CUX2: variants seen among roughly 807,000 people sequenced by gnomAD.
CUX2 encodes homeobox protein cut-like 2.
CUX2 carries 40 observed loss-of-function variants against 144.8 expected under a neutral mutation model. That is an observed-to-expected ratio of 0.28 (90% CI 0.21 to 0.36). The LOEUF is 0.36. Among genes scored for constraint, CUX2 ranks in the 10% least tolerant of loss-of-function variants. The pLI, the probability that CUX2 is intolerant of heterozygous loss-of-function variation, is 1.00. For synonymous variants in CUX2, 827 were observed against 875.6 expected (o/e 0.94, Z 0.98); for missense variants, 1,615 against 1,994.0 (o/e 0.81, Z 3.62).
intron 3 of CUX2, among the ~76,000 whole-genome samples, chr12:111,233,149 A>G (rs1213615719): frequency 6.6e-6 from 1 of 152,182 alleles, no homozygotes; most frequent in Non-Finnish European, 1.5e-5. Flanking sequence ...TGGGAATTGC[A>G]GGGCCTGAAA....
At position 111,320,047 on chromosome 12, in the gene CUX2, GC is replaced by G. The variant is rs1274425700; in HGVS notation, c.2040del (p.Asn681ThrfsTer65). On this transcript the variant is annotated frameshift_variant, in exon 17 of 22. Coordinates refer to ENST00000261726, the MANE Select transcript of CUX2 (RefSeq NM_015267.4). LOFTEE classifies it high-confidence loss of function. This position sits in a 1 kb window ranked among gnomAD's most constrained non-coding sequence, Gnocchi z 8.1. ...PKTSVAPLSI[A>X]NGTTPASTSE... The stretch of plus-strand genomic sequence containing the variant: ...GACCTCGGTGGCCCCGCTGAGCATC[GC>G]CAACGGCACGACCCCCGCCAGCACC... 6.5e-7 allele frequency: 1 copy of G among 1,541,288 alleles called. No individual in the cohort carries two copies.
chr12:111,249,987 G>C (rs1408457208), intron 3 of CUX2, among the ~76,000 whole-genome samples: 1 of 152,060 alleles, frequency 6.6e-6, no homozygotes, highest in African/African-American at 2.4e-5. Flanking sequence ...AAAGTTCTAG[G>C]GGCTTTGACA....
intron 18 of CUX2, among the ~76,000 whole-genome samples, chr12:111,324,639 T>C (rs1887690190): frequency 6.6e-6 from 1 of 152,018 alleles, no homozygotes; most frequent in Non-Finnish European, 1.5e-5. Flanking sequence ...TAGCTGGGGT[T>C]ACAGGCGTGC....
chr12:111,300,776 G>T (rs1365193543), intron 9 of CUX2, among the ~76,000 whole-genome samples: 1 of 152,176 alleles, frequency 6.6e-6, no homozygotes, highest in African/African-American at 2.4e-5. Context: ...AATAGCTCAT[G>T]CCTCTAATCC....
chr12:111,099,075 C>T (rs1873023690), intron 1 of CUX2, among the ~76,000 whole-genome samples: 1 of 152,220 alleles, frequency 6.6e-6, no homozygotes, highest in Non-Finnish European at 1.5e-5. Flanking sequence ...AGGAGGCCAC[C>T]TACATCATCT....
At position 111,307,802 on chromosome 12, in the gene CUX2, G is replaced by T. The variant is rs1011063547; in HGVS notation, c.1110-483G>T. 1.3e-5 allele frequency among the ~76,000 whole-genome samples: 2 copies of T among 152,178 alleles called. No individual in the cohort carries two copies. Among genetic ancestry groups the T allele is most frequent in the Non-Finnish European group, 2.9e-5 (2 of 68,030 alleles). On this transcript the variant is annotated intron_variant, in intron 12 of 21. Coordinates refer to ENST00000261726, the MANE Select transcript of CUX2 (RefSeq NM_015267.4). This position sits in a 1 kb window ranked among gnomAD's most constrained non-coding sequence, Gnocchi z 4.1. Reference sequence around the variant, plus strand: ...GTTCAAAACCAGCCTGGCCGAAAGGGCAAAACCCTGTCTCTACTAAAAATA... The same window carrying T: ...GTTCAAAACCAGCCTGGCCGAAAGGTCAAAACCCTGTCTCTACTAAAAATA...
intron 1 of CUX2, among the ~76,000 whole-genome samples, chr12:111,070,343 TCCTCCCTTCCCTCTCTCCCTCCCTC>T (rs1566199702): frequency 6.7e-6 from 1 of 149,292 alleles, no homozygotes; most frequent in East Asian, 2.0e-4. Context: ...TTCCTTCCCT[TCCTCCCTTCCCTCTCTCCCTCCCTC>T]CCTCCCTTCT....
At chr12:111,231,703 T>A (rs1047003984) in intron 3 of CUX2, among the ~76,000 whole-genome samples, 11 of 152,230 alleles carry the variant, frequency 7.2e-5, no homozygotes, top group Non-Finnish European at 1.3e-4. Flanking sequence ...CACTAAAAAA[T>A]AATAGTACAA....
At chr12:111,062,046 AG>A (rs1230118491) in intron 1 of CUX2, among the ~76,000 whole-genome samples, 1 of 152,218 alleles carries the variant, frequency 6.6e-6, no homozygotes, top group Non-Finnish European at 1.5e-5. Context: ...CATGTAACCC[AG>A]GACTGTTCTA....
At chr12:111,315,949 T>C (rs777773029) in intron 16 of CUX2, among the ~76,000 whole-genome samples, 20 of 152,192 alleles carry the variant, frequency 1.3e-4, no homozygotes, top group Non-Finnish European at 2.6e-4. Flanking sequence ...ATGCGATGCA[T>C]GTAGTTTAGA....
At position 111,348,784 on chromosome 12, in the gene CUX2, C is replaced by T. The variant is rs1030363427; in HGVS notation, c.*459C>T. 1.6e-4 allele frequency: 25 copies of T among 157,828 alleles called. No homozygotes were observed. The highest frequency in any genetic ancestry group is 6.0e-4 in the African/African-American group (25 of 41,480). The allele number at this position is 157,828 out of a possible 1,614,324, so 9.8% of individuals were successfully genotyped here. ...TACACTGAAGTTGTGTCGTTTTTGC[C>T]ACTAGATGAGATTAAAAGAAGACAA... On this transcript the variant is annotated 3_prime_UTR_variant, in exon 22 of 22. Transcript: ENST00000261726.
chr12:111,191,880 C>A (rs949020557), intron 1 of CUX2, among the ~76,000 whole-genome samples: 2 of 152,196 alleles, frequency 1.3e-5, no homozygotes, highest in African/African-American at 4.8e-5. Context: ...GTGCTCTGAG[C>A]TTGCCAGTGG....
At chr12:111,180,082 C>A (rs1334275501) in intron 1 of CUX2, among the ~76,000 whole-genome samples, 1 of 152,134 alleles carries the variant, frequency 6.6e-6, no homozygotes, top group Admixed American at 6.5e-5. Context: ...TTCCAGCCCC[C>A]ATGGGGCCCC....
intron 2 of CUX2, among the ~76,000 whole-genome samples, chr12:111,217,414 C>T (rs147515088): frequency 1.3e-5 from 2 of 152,190 alleles, no homozygotes; most frequent in African/African-American, 4.8e-5. Context: ...GACCTTGCAA[C>T]CTGAAAGAGG....
chr12:111,317,259 G>A (rs115662217), intron 16 of CUX2, among the ~76,000 whole-genome samples: 201 of 152,274 alleles, frequency 1.3e-3, no homozygotes, highest in African/African-American at 4.6e-3. Context: ...TTCTCTGAGG[G>A]CAGAGGGAAG....
chr12:111,075,826 G>A (rs987238567), intron 1 of CUX2, among the ~76,000 whole-genome samples: 1 of 152,096 alleles, frequency 6.6e-6, no homozygotes, highest in African/African-American at 2.4e-5. Context: ...CCCCTGCCAG[G>A]TTCCACTCTG....
At chr12:111,270,389 A>G (rs1258467094) in intron 4 of CUX2, 2 of 152,182 alleles carry the variant, frequency 1.3e-5, no homozygotes, top group African/African-American at 4.8e-5. Context: ...TGCAGCCTGG[A>G]TGTCTGTAAT....
rs1030088657 is a variant in CUX2 at position 111,322,410 on chromosome 12, G to A, written c.2767-11G>A. 71 of 1,486,502 alleles carry A rather than the reference G, an allele frequency of 4.8e-5. No homozygotes were observed. Among genetic ancestry groups the A allele is most frequent in the East Asian group, 1.0e-4 (4 of 39,082 alleles). The allele number at this position is 1,486,502 out of a possible 1,614,324, so 92.1% of individuals were successfully genotyped here. ...GCCTGCTGACCTACCCCCCTGGCCCGCCCCTCGCAGGTGCTGGGCCTGTCA... is the reference window on the plus strand; with the variant it reads ...GCCTGCTGACCTACCCCCCTGGCCCACCCCTCGCAGGTGCTGGGCCTGTCA... On this transcript the variant is annotated splice_polypyrimidine_tract_variant and intron_variant, in intron 17 of 21. Coordinates refer to ENST00000261726, the MANE Select transcript of CUX2 (RefSeq NM_015267.4). The surrounding 1 kb of genome is among the most constrained non-coding windows in gnomAD (Gnocchi z 4.2).
chr12:111,276,734 A>G (rs930634027), intron 4 of CUX2, among the ~76,000 whole-genome samples: 2 of 151,396 alleles, frequency 1.3e-5, no homozygotes, highest in South Asian at 2.1e-4. Context: ...GCTCACTGCA[A>G]CCTCCTGGGT....
Sources: allele counts gnomAD v4.1 joint callset (sites outside exome capture counted in the v4.1 genomes callset), GRCh38; gene constraint gnomAD v4.1.1; non-coding constraint Gnocchi (gnomAD v3.1); transcripts MANE v1.5; gene names NCBI Gene and HGNC (gene_info 2026-07-23, HGNC 2026-07-21).